PAG1: variants seen among roughly 807,000 people sequenced by gnomAD.
PAG1 encodes phosphoprotein associated with glycosphingolipid-enriched microdomains 1.
PAG1 carries 23 observed loss-of-function variants against 31.7 expected under a neutral mutation model. The observed-to-expected ratio is 0.73, with a 90% CI of 0.52 to 1.03. The LOEUF (loss-of-function observed/expected upper bound fraction) is 1.03, where lower values mean the gene tolerates loss of function less well. Among genes scored for constraint, PAG1 ranks in the 50% least tolerant of loss-of-function variants. The pLI is 0.00. For missense variants in PAG1, 473 were observed against 540.7 expected (o/e 0.87, Z 1.24); for synonymous variants, 214 against 210.3 (o/e 1.02, Z -0.15).
intron 2 of PAG1, among the ~76,000 whole-genome samples, chr8:81,051,208 CACTACTGGAT>C (rs1808722660): frequency 6.6e-6 from 1 of 152,106 alleles, no homozygotes; most frequent in Admixed American, 6.5e-5. Flanking sequence ...GTAAAATGAG[CACTACTGGAT>C]TAGTGTCCCT....
At chr8:81,059,618 TCAGA>T (rs1209969456) in intron 2 of PAG1, among the ~76,000 whole-genome samples, 2 of 152,198 alleles carry the variant, frequency 1.3e-5, no homozygotes, top group Non-Finnish European at 2.9e-5. Flanking sequence ...GTGTCTTTCT[TCAGA>T]CAGTCTAGAA....
chr8:81,029,007 CAG>C (rs1808331918), intron 3 of PAG1, among the ~76,000 whole-genome samples: 1 of 152,154 alleles, frequency 6.6e-6, no homozygotes, highest in Non-Finnish European at 1.5e-5. Flanking sequence ...AACTTCTAAA[CAG>C]AGAAAGTTGA....
At position 80,974,152 on chromosome 8, in the gene PAG1, G is replaced by GTTTTTTTTTTTTTTTTT. The variant is rs554932519; in HGVS notation, c.*2375_*2391dup. 1 of 115,378 alleles carries GTTTTTTTTTTTTTTTTT rather than the reference G, an allele frequency of 8.7e-6. No homozygotes were observed. Among genetic ancestry groups the GTTTTTTTTTTTTTTTTT allele is most frequent in the Admixed American group, 9.5e-5 (1 of 10,538 alleles). 7.1% of individuals were successfully genotyped at this position (115,378 alleles called of 1,614,324 possible). ...ATTATTTATGAGCTTTCTATAAAAA[G>GTTTTTTTTTTTTTTTTT]TTTTTTTTTTTTTTTTTTTTTTACT... On this transcript the variant is annotated 3_prime_UTR_variant, in exon 9 of 9. Transcript: ENST00000220597.
intron 3 of PAG1, among the ~76,000 whole-genome samples, chr8:81,007,467 C>CAAAAAA (rs10563214): frequency 7.8e-6 from 1 of 128,546 alleles, no homozygotes; most frequent in African/African-American, 3.0e-5. Flanking sequence ...TACAAAAATA[C>CAAAAAA]AAAAAAAAAA....
intron 3 of PAG1, among the ~76,000 whole-genome samples, chr8:81,020,460 A>G (rs1288792732): frequency 1.3e-5 from 2 of 152,218 alleles, no homozygotes; most frequent in African/African-American, 4.8e-5. Context: ...TGTTGTTCTC[A>G]TAATGGTGAA....
chr8:81,042,026 T>A (rs1045653528), intron 2 of PAG1, among the ~76,000 whole-genome samples: 3 of 151,818 alleles, frequency 2.0e-5, no homozygotes, highest in Admixed American at 1.3e-4. Context: ...AAATGACCAC[T>A]CTGCTTTATA....
At chr8:81,031,586 G>A (rs1055039599) in intron 2 of PAG1, among the ~76,000 whole-genome samples, 9 of 152,154 alleles carry the variant, frequency 5.9e-5, no homozygotes, top group African/African-American at 2.2e-4. Context: ...TCAAATTGCT[G>A]CAATTAAAAG....
chr8:81,075,668 G>A (rs1171680730), intron 1 of PAG1, among the ~76,000 whole-genome samples: 1 of 152,160 alleles, frequency 6.6e-6, no homozygotes. Context: ...GAAATGTGAA[G>A]TGACACAGCC....
intron 8 of PAG1, 69 bp downstream of exon 8, chr8:80,980,353 TAACATTACAGTGC>T: frequency 2.6e-6 from 2 of 781,320 alleles, no homozygotes; most frequent in Non-Finnish European, 4.5e-6. Flanking sequence ...TTTCAAAGGG[TAACATTACAGTGC>T]ATTTATTCAA....
At chr8:80,986,567 G>A (rs1408727096) in intron 6 of PAG1, among the ~76,000 whole-genome samples, 1 of 152,164 alleles carries the variant, frequency 6.6e-6, no homozygotes, top group Non-Finnish European at 1.5e-5. Flanking sequence ...TCCTTAGCCC[G>A]CTGACTATAT....
chr8:80,992,162 G>A (rs1028128887), intron 4 of PAG1, among the ~76,000 whole-genome samples: 2 of 152,226 alleles, frequency 1.3e-5, no homozygotes, highest in Admixed American at 6.5e-5. Context: ...GGCCGTCCAG[G>A]CCCCGGGAAG....
At chr8:81,066,110 G>A (rs925188484) in intron 2 of PAG1, among the ~76,000 whole-genome samples, 2 of 152,180 alleles carry the variant, frequency 1.3e-5, no homozygotes, top group African/African-American at 2.4e-5. Context: ...ACATCCTTCC[G>A]GAGCAAGCTG....
rs1349765744 is a variant in PAG1 at position 81,044,401 on chromosome 8, C to T, written c.-174-14312G>A. Among the ~76,000 whole-genome samples, 4 of 152,118 alleles carry T rather than the reference C, an allele frequency of 2.6e-5. No individual in the cohort carries two copies. In the East Asian group the frequency reaches 7.7e-4, roughly 29 times the overall value. On this transcript the variant is annotated intron_variant, in intron 2 of 8. Transcript: ENST00000220597. ...GATGTGAAGAGACACAGGGGAAATG[C>T]CATCTGAAGCCATAGGCAAAGGCTG...
rs554932519 is a variant in PAG1, at chr8:80,974,152, G to GTTTTTTTTTTTT, written c.*2380_*2391dup. 2 of 115,378 alleles carry GTTTTTTTTTTTT rather than the reference G, an allele frequency of 1.7e-5. No homozygotes were observed. The highest frequency in any genetic ancestry group is 1.7e-5 in the Non-Finnish European group (1 of 57,806). 7.1% of individuals were successfully genotyped at this position (115,378 alleles called of 1,614,324 possible). A position where few individuals can be genotyped will look rare whatever the true frequency, so the allele number is the denominator to read the frequency against. On this transcript the variant is annotated 3_prime_UTR_variant, in exon 9 of 9. Transcript: ENST00000220597. ...ATTATTTATGAGCTTTCTATAAAAA[G>GTTTTTTTTTTTT]TTTTTTTTTTTTTTTTTTTTTTACT...
In PAG1 at chr8:80,980,434, C is replaced by A; in HGVS notation, c.936+1G>T. ...CCTTTTTAAAAAGAAACAAAACTTA[C>A]CTCTTCTTCTGTGAGAGTGGGGTCT... is the stretch of plus-strand genomic sequence containing the variant. On this transcript the variant is annotated splice_donor_variant, in intron 8 of 8. Coordinates refer to ENST00000220597, the MANE Select transcript of PAG1 (RefSeq NM_018440.4). LOFTEE classifies it high-confidence loss of function. The A allele has an allele frequency of 6.4e-7, 1 of 1,572,042 alleles. No individual in the cohort carries two copies. The highest frequency in any genetic ancestry group is 8.8e-7 in the Non-Finnish European group (1 of 1,142,220).
At chr8:81,023,532 G>GTA (rs142315219) in intron 3 of PAG1, among the ~76,000 whole-genome samples, 5,863 of 150,050 alleles carry the variant, frequency 0.039, 272 homozygotes, top group African/African-American at 0.12. Context: ...TTTCTCTGCA[G>GTA]TATATATATA....
At chr8:81,068,544 G>A (rs1437126521) in intron 2 of PAG1, among the ~76,000 whole-genome samples, 1 of 152,124 alleles carries the variant, frequency 6.6e-6, no homozygotes, top group Non-Finnish European at 1.5e-5. Context: ...TGAGAAGAAT[G>A]CTTATATCTA....
At chr8:81,107,892 T>G (rs1809718465) in intron 1 of PAG1, among the ~76,000 whole-genome samples, 1 of 152,230 alleles carries the variant, frequency 6.6e-6, no homozygotes, top group Non-Finnish European at 1.5e-5. Context: ...GCAGGAGCTC[T>G]GGAACTATCA....
chr8:81,069,550 C>A (rs551530893), intron 2 of PAG1, among the ~76,000 whole-genome samples: 2 of 152,292 alleles, frequency 1.3e-5, no homozygotes, highest in South Asian at 4.1e-4. Context: ...AATGATTTTT[C>A]CACATTTGGT....
Sources: gnomAD v4.1 joint callset for allele counts (sites outside exome capture counted in the v4.1 genomes callset) on GRCh38, gnomAD v4.1.1 for gene constraint, MANE v1.5 for transcripts, NCBI Gene and HGNC (gene_info 2026-07-23, HGNC 2026-07-21) for gene names.